Variants in NELL1 observed in about 807,000 individuals in gnomAD.
The protein encoded by NELL1 is neural EGFL like 1, also known as protein kinase C-binding protein NELL1.
NELL1 carries 76 observed loss-of-function variants against 107.4 expected under a neutral mutation model. That is an observed-to-expected ratio of 0.71 (90% confidence interval 0.59 to 0.86). The LOEUF (loss-of-function observed/expected upper bound fraction) is 0.86. Ranked by LOEUF, NELL1 falls within the 40% of genes least tolerant of loss-of-function variation. The pLI is 0.00. For synonymous variants in NELL1, 353 were observed against 341.2 expected (o/e 1.03, Z -0.38); for missense variants, 1,024 against 1,005.5 (o/e 1.02, Z -0.25).
chr11:21,385,082 A>G (rs1318380772), intron 15 of NELL1, among the ~76,000 whole-genome samples: 2 of 151,824 alleles, frequency 1.3e-5, no homozygotes, highest in African/African-American at 4.8e-5. Context: ...ACCTCCTCAG[A>G]CAGGCCCTGA....
chr11:21,146,813 T>TC (rs1554973294), intron 13 of NELL1, among the ~76,000 whole-genome samples: 12 of 151,540 alleles, frequency 7.9e-5, no homozygotes, highest in African/African-American at 1.7e-4. Context: ...CAGGCCAAGG[T>TC]GGGGGGGATC....
At chr11:21,072,746 A>G (rs922026515) in intron 12 of NELL1, among the ~76,000 whole-genome samples, 7 of 152,216 alleles carry the variant, frequency 4.6e-5, no homozygotes, top group Non-Finnish European at 5.9e-5. Context: ...CAAAGCTATA[A>G]TGAGACTTGG....
chr11:20,935,141 C>T (rs977363654), intron 9 of NELL1, among the ~76,000 whole-genome samples: 12 of 152,080 alleles, frequency 7.9e-5, no homozygotes, highest in Admixed American at 3.3e-4. Flanking sequence ...TAGACATTTT[C>T]CCTACCCTCA....
chr11:20,699,493 T>C (rs1264065937), intron 2 of NELL1, among the ~76,000 whole-genome samples: 1 of 152,058 alleles, frequency 6.6e-6, no homozygotes, highest in African/African-American at 2.4e-5. Context: ...CCCCAGCAGC[T>C]GGGACTACAG....
intron 12 of NELL1, among the ~76,000 whole-genome samples, chr11:20,970,193 G>A (rs1239382256): frequency 6.6e-6 from 1 of 152,020 alleles, no homozygotes; most frequent in East Asian, 1.9e-4. Flanking sequence ...CTTCTGTGTT[G>A]TACAACTCCA....
intron 14 of NELL1, among the ~76,000 whole-genome samples, chr11:21,291,083 T>G (rs1849248353): frequency 1.3e-5 from 2 of 152,082 alleles, no homozygotes; most frequent in South Asian, 4.2e-4. Context: ...GCAAGGAAGC[T>G]AAGAACATTG....
intron 14 of NELL1, among the ~76,000 whole-genome samples, chr11:21,244,033 C>T (rs1565127840): frequency 6.6e-6 from 1 of 152,020 alleles, no homozygotes; most frequent in Non-Finnish European, 1.5e-5. Context: ...TAGCTGGAAT[C>T]CATATACCAG....
chr11:21,227,325 C>A (rs975182387), intron 13 of NELL1, among the ~76,000 whole-genome samples: 1 of 152,032 alleles, frequency 6.6e-6, no homozygotes, highest in African/African-American at 2.4e-5. Flanking sequence ...TAGTAGAGCA[C>A]CCTTTCATTC....
chr11:21,266,971 G>A (rs528560238), intron 14 of NELL1, among the ~76,000 whole-genome samples: 8 of 152,126 alleles, frequency 5.3e-5, no homozygotes, highest in African/African-American at 1.9e-4. Flanking sequence ...ATAATTCTTA[G>A]CCTATTTTAT....
intron 17 of NELL1, among the ~76,000 whole-genome samples, chr11:21,565,758 T>G (rs2134007664): frequency 6.6e-6 from 1 of 152,074 alleles, no homozygotes; most frequent in African/African-American, 2.4e-5. Flanking sequence ...GAAAAGGCAT[T>G]TGCCTCTCTG....
chr11:20,804,262 G>A (rs1282427035), intron 3 of NELL1, among the ~76,000 whole-genome samples: 4 of 151,984 alleles, frequency 2.6e-5, no homozygotes, highest in Non-Finnish European at 4.4e-5. Context: ...TTGAGATGGA[G>A]TCTTGCTCTG....
At chr11:20,674,384 G>A (rs1439313594) in intron 1 of NELL1, 4 of 840,632 alleles carry the variant, frequency 4.8e-6, no homozygotes, top group Non-Finnish European at 7.6e-6. Context: ...GCCAGATGGA[G>A]CTGTTGAAGT....
At chr11:21,237,867 C>A (rs1394699217) in intron 14 of NELL1, among the ~76,000 whole-genome samples, 1 of 152,024 alleles carries the variant, frequency 6.6e-6, no homozygotes, top group Non-Finnish European at 1.5e-5. Context: ...ACTGGCTCAA[C>A]ATTTTCTCTC....
At chr11:20,757,049 C>G (rs1856311594) in intron 2 of NELL1, among the ~76,000 whole-genome samples, 1 of 152,066 alleles carries the variant, frequency 6.6e-6, no homozygotes. Flanking sequence ...GATATCCCAG[C>G]TTTACCTCCA....
chr11:21,046,677 A>ATTATTTATCTATTTAT (rs1853361970), intron 12 of NELL1, among the ~76,000 whole-genome samples: 1 of 143,548 alleles, frequency 7.0e-6, no homozygotes, highest in Non-Finnish European at 1.5e-5. Context: ...TATTTACTCA[A>ATTATTTATCTATTTAT]TTATTTATTT....
At chr11:21,372,300 A>G (rs1202167061) in intron 15 of NELL1, among the ~76,000 whole-genome samples, 1 of 151,994 alleles carries the variant, frequency 6.6e-6, no homozygotes, top group Non-Finnish European at 1.5e-5. Context: ...CAAAAACTAA[A>G]AGATTCTTAC....
intron 14 of NELL1, among the ~76,000 whole-genome samples, chr11:21,297,326 T>C (rs1053116251): frequency 2.0e-5 from 3 of 152,058 alleles, no homozygotes; most frequent in African/African-American, 4.8e-5. Flanking sequence ...AGAGCACACC[T>C]ATGGTACTTC....
At position 21,271,910 on chromosome 11, in the gene NELL1, C is replaced by T. The variant is rs1245206052; in HGVS notation, c.1549+42456C>T. On this transcript the variant is annotated intron_variant, in intron 14 of 19. Coordinates refer to ENST00000357134, the MANE Select transcript of NELL1 (RefSeq NM_006157.5). Reference sequence around the variant, plus strand: ...ATCATAACAATAGATGCAGAAAAAGCATTTGACAGTGTGGAGCCAAGATGG... The same window carrying T: ...ATCATAACAATAGATGCAGAAAAAGTATTTGACAGTGTGGAGCCAAGATGG... Among the ~76,000 whole-genome samples the T allele has an allele frequency of 2.6e-5, 4 of 152,132 alleles. No individual in the cohort carries two copies. The East Asian group carries it at 7.7e-4, about 29-fold the overall frequency.
At chr11:21,233,863 G>A (rs371765501) in intron 14 of NELL1, among the ~76,000 whole-genome samples, 1 of 152,170 alleles carries the variant, frequency 6.6e-6, no homozygotes, top group Non-Finnish European at 1.5e-5. Context: ...ATCTTTGAAA[G>A]CATTCTTGTC....
Sources: gnomAD v4.1 joint callset for allele counts (sites outside exome capture counted in the v4.1 genomes callset) on GRCh38, gnomAD v4.1.1 for gene constraint, MANE v1.5 for transcripts, NCBI Gene and HGNC (gene_info 2026-07-23, HGNC 2026-07-21) for gene names.